Variants in DIS3L2 observed in about 807,000 individuals in gnomAD.
The protein encoded by DIS3L2 is DIS3 like 3'-5' exoribonuclease 2.
A neutral mutation model predicts 97.5 loss-of-function variants in DIS3L2; 34 were observed. The ratio of observed to expected loss-of-function variants is 0.35; its 90% CI spans 0.27 to 0.46. The LOEUF is 0.46. DIS3L2 is among the 20% of genes least tolerant of loss of function. DIS3L2 has a pLI of 1.00. For missense variants in DIS3L2, 1,038 were observed against 1,146.0 expected (o/e 0.91, Z 1.36); for synonymous variants, 435 against 445.2 (o/e 0.98, Z 0.29).
At position 232,332,504 on chromosome 2, in the gene DIS3L2, C is replaced by T. The variant is rs1695768570; in HGVS notation, c.2011-1336C>T. Among the ~76,000 whole-genome samples, 5 of 151,578 alleles carry T rather than the reference C, an allele frequency of 3.3e-5. No homozygotes were observed. In the South Asian group the frequency reaches 1.0e-3, roughly 31 times the overall value. ...CCTCTGCGAGGAACCCGTTCACTCG[C>T]TCCCAGGCAGTAGCACTGGCCCTGA... is the stretch of plus-strand genomic sequence containing the variant. On this transcript the variant is annotated intron_variant, in intron 16 of 20. Coordinates refer to ENST00000325385, the MANE Select transcript of DIS3L2 (RefSeq NM_152383.5).
At chr2:232,053,096 CA>C (rs1261318601) in intron 5 of DIS3L2, among the ~76,000 whole-genome samples, 2 of 152,066 alleles carry the variant, frequency 1.3e-5, no homozygotes, top group Non-Finnish European at 2.9e-5. Flanking sequence ...CTAAATAGAC[CA>C]GAGCATATTG....
At chr2:232,254,538 C>T (rs983657777) in intron 12 of DIS3L2, among the ~76,000 whole-genome samples, 1 of 151,770 alleles carries the variant, frequency 6.6e-6, no homozygotes. Flanking sequence ...TGCTTATTTT[C>T]GTGAAAGTTT....
chr2:232,230,232 G>A (rs960093924), intron 10 of DIS3L2, among the ~76,000 whole-genome samples: 3 of 152,194 alleles, frequency 2.0e-5, no homozygotes, highest in African/African-American at 7.2e-5. Flanking sequence ...CAAGTAAAAG[G>A]TGGAGTTTAT....
chr2:232,031,652 T>A (rs998538483), intron 5 of DIS3L2, among the ~76,000 whole-genome samples: 2 of 151,854 alleles, frequency 1.3e-5, no homozygotes, highest in African/African-American at 4.8e-5. Flanking sequence ...CCTCCCCTTG[T>A]CCGCACCCAC....
intron 1 of DIS3L2, among the ~76,000 whole-genome samples, chr2:232,001,235 A>G (rs1308243671): frequency 6.6e-6 from 1 of 152,142 alleles, no homozygotes; most frequent in African/African-American, 2.4e-5. Flanking sequence ...TGTGTTTTCG[A>G]TAATAGCCAT....
intron 5 of DIS3L2, among the ~76,000 whole-genome samples, chr2:232,070,218 A>G (rs1376799272): frequency 6.6e-6 from 1 of 152,214 alleles, no homozygotes; most frequent in Non-Finnish European, 1.5e-5. Flanking sequence ...GTGAGCCAAG[A>G]TCGTGCCACT....
intron 10 of DIS3L2, among the ~76,000 whole-genome samples, chr2:232,222,961 C>A (rs1317504148): frequency 1.3e-5 from 2 of 152,194 alleles, no homozygotes; most frequent in Admixed American, 1.3e-4. Flanking sequence ...GAGGCAGCTC[C>A]ACCCTCTAAG....
At chr2:232,333,781 T>A in intron 16 of DIS3L2, 59 bp from the exon 17 acceptor site, 2 of 1,495,750 alleles carry the variant, frequency 1.3e-6, no homozygotes, top group Non-Finnish European at 1.8e-6. Flanking sequence ...GGTGCCAGCC[T>A]TCCAGGCCTG....
chr2:232,284,063 GT>G (rs569807505), intron 13 of DIS3L2, among the ~76,000 whole-genome samples: 3 of 149,006 alleles, frequency 2.0e-5, no homozygotes, highest in African/African-American at 2.5e-5. Context: ...AAAGTGGGTT[GT>G]TTTTTTTTTA....
intron 14 of DIS3L2, among the ~76,000 whole-genome samples, chr2:232,310,386 G>A (rs547617258): frequency 3.9e-5 from 6 of 152,316 alleles, no homozygotes; most frequent in Middle Eastern, 3.4e-3. Context: ...CACCACAGCC[G>A]TTAGTGTTTG....
intron 12 of DIS3L2, among the ~76,000 whole-genome samples, chr2:232,249,918 G>A (rs1333627774): frequency 6.6e-6 from 1 of 152,212 alleles, no homozygotes; most frequent in East Asian, 1.9e-4. Context: ...CAAGGCACAA[G>A]GTGGTGAAAC....
At chr2:232,014,006 T>C (rs1484629096) in intron 1 of DIS3L2, among the ~76,000 whole-genome samples, 2 of 152,266 alleles carry the variant, frequency 1.3e-5, no homozygotes, top group Non-Finnish European at 2.9e-5. Context: ...TCTTGATTCA[T>C]TTTGTGGGAA....
chr2:232,232,084 T>G (rs1692807479), intron 10 of DIS3L2, among the ~76,000 whole-genome samples: 1 of 152,128 alleles, frequency 6.6e-6, no homozygotes, highest in South Asian at 2.1e-4. Flanking sequence ...GGGGTGTAAC[T>G]GTCATTTAAG....
At chr2:232,218,946 C>T (rs1351448999) in intron 10 of DIS3L2, among the ~76,000 whole-genome samples, 1 of 152,234 alleles carries the variant, frequency 6.6e-6, no homozygotes, top group Non-Finnish European at 1.5e-5. Flanking sequence ...TGCCACCCCA[C>T]TTCCCAGCGC....
chr2:232,319,930 G>T (rs1281746834), intron 14 of DIS3L2, among the ~76,000 whole-genome samples: 1 of 152,214 alleles, frequency 6.6e-6, no homozygotes, highest in Admixed American at 6.5e-5. Context: ...TTCTGGTCTT[G>T]GTTCTCAGGT....
rs780510878 is a variant in DIS3L2 at position 232,136,653 on chromosome 2, A to G, written c.884A>G (p.Asp295Gly). The stretch of plus-strand genomic sequence containing the variant: ...CAGGACTTTGTGGCACGGCCTAAAG[A>G]TTATGCCAACACACTGTTCATCTGC... ...CPQDFVARPK[D>G]YANTLFICRI... Residue 295 changes from aspartate to glycine, a missense_variant, in exon 8 of 21, where the codon GAT becomes GGT. By Grantham distance (94) the Asp-to-Gly change is moderately conservative (BLOSUM62 -1). Coordinates refer to ENST00000325385, the MANE Select transcript of DIS3L2 (RefSeq NM_152383.5). 2 of 1,613,776 alleles carry G rather than the reference A, an allele frequency of 1.2e-6. No homozygotes were observed. The highest frequency in any genetic ancestry group is 1.7e-5 in the Admixed American group (1 of 59,980).
At chr2:232,088,219 T>C (rs566103809) in intron 6 of DIS3L2, among the ~76,000 whole-genome samples, 125 of 151,436 alleles carry the variant, frequency 8.3e-4, no homozygotes, top group African/African-American at 3.0e-3. Context: ...GCTAACATGG[T>C]GAAACCCTGT....
intron 14 of DIS3L2, 96 bp from the exon 15 acceptor site, chr2:232,329,717 T>G (rs1575023097): frequency 8.1e-7 from 1 of 1,242,006 alleles, no homozygotes; most frequent in Non-Finnish European, 1.1e-6. Context: ...ACCTGAAGGG[T>G]GATTGATAGA....
chr2:232,336,445 C>A, intron 20 of DIS3L2, 24 bp from the exon 21 acceptor site: 1 of 1,601,670 alleles, frequency 6.2e-7, no homozygotes, highest in East Asian at 2.3e-5. Context: ...CATCCTTGTC[C>A]CCTCACGGCT....
Sources: allele counts gnomAD v4.1 joint callset (sites outside exome capture counted in the v4.1 genomes callset), GRCh38; gene constraint gnomAD v4.1.1; transcripts MANE v1.5; gene names NCBI Gene and HGNC (gene_info 2026-07-23, HGNC 2026-07-21).